The following ZBTB38 variants were observed in gnomAD, a reference collection of about 807,000 sequenced individuals.
ZBTB38 encodes the protein zinc finger and BTB domain-containing protein 38.
ZBTB38 carries 20 observed loss-of-function variants against 76.8 expected under a neutral mutation model. That is an observed-to-expected ratio of 0.26 (90% confidence interval 0.18 to 0.38). The LOEUF is 0.38. Among genes scored for constraint, ZBTB38 ranks in the 10% least tolerant of loss-of-function variants. The probability of loss-of-function intolerance (pLI) is 1.00; values close to 1 mark genes in which losing one functional copy is unlikely to be tolerated. For missense variants in ZBTB38, 1,082 were observed against 1,482.3 expected (o/e 0.73, Z 4.43); for synonymous variants, 504 against 544.2 (o/e 0.93, Z 1.03).
rs116629994 is a variant in ZBTB38, at chr3:141,344,120, A to G, written c.-739+19664A>G. Among the ~76,000 whole-genome samples, 1,105 of 152,308 alleles carry G rather than the reference A, an allele frequency of 7.3e-3. 6 individuals carry two copies. The highest frequency in any genetic ancestry group is 0.013 in the Non-Finnish European group (901 of 68,020). Reference sequence around the variant, plus strand: ...CTGTGGTCCACTTTGGCTATGTTTTAGTTGGCTGCTGTTTTCTGTTGCTGC... The same window carrying G: ...CTGTGGTCCACTTTGGCTATGTTTTGGTTGGCTGCTGTTTTCTGTTGCTGC... On this transcript the variant is annotated intron_variant, in intron 1 of 7. Coordinates refer to the ZBTB38 transcript ENST00000509842.
intron 5 of ZBTB38, among the ~76,000 whole-genome samples, chr3:141,421,400 T>TA (rs1165773182): frequency 2.0e-5 from 3 of 152,026 alleles, no homozygotes; most frequent in African/African-American, 4.8e-5. Flanking sequence ...GTGCTAGGAT[T>TA]ACAGGTGTGA....
intron 5 of ZBTB38, among the ~76,000 whole-genome samples, chr3:141,409,039 AT>A (rs532373078): frequency 2.6e-5 from 4 of 151,580 alleles, no homozygotes; most frequent in South Asian, 4.2e-4. Context: ...ATGGGAGTTT[AT>A]TTTTTTTTAA....
chr3:141,429,750 G>A (rs1355462339), intron 5 of ZBTB38, among the ~76,000 whole-genome samples: 2 of 152,202 alleles, frequency 1.3e-5, no homozygotes, highest in Non-Finnish European at 2.9e-5. Context: ...CCTCCGAGGC[G>A]ACATTTGAGC....
chr3:141,344,928 C>G (rs1188141533), intron 1 of ZBTB38, among the ~76,000 whole-genome samples: 1 of 152,180 alleles, frequency 6.6e-6, no homozygotes, highest in Non-Finnish European at 1.5e-5. Flanking sequence ...CTTTGGGGGT[C>G]CATTATTCTG....
intron 1 of ZBTB38, among the ~76,000 whole-genome samples, chr3:141,340,961 A>AAGAAAAGAAAGAAGGAAG (rs1559913218): frequency 8.5e-5 from 11 of 128,842 alleles, no homozygotes; most frequent in African/African-American, 3.6e-4. Context: ...AAAGAAAGAA[A>AAGAAAAGAAAGAAGGAAG]GAAAGAAAGA....
At chr3:141,441,473 C>A (rs2080193367) in intron 5 of ZBTB38, among the ~76,000 whole-genome samples, 1 of 152,160 alleles carries the variant, frequency 6.6e-6, no homozygotes, top group Non-Finnish European at 1.5e-5. Context: ...TTTTTGAAAA[C>A]CCTAGTCTAC....
intron 5 of ZBTB38, among the ~76,000 whole-genome samples, chr3:141,440,986 A>G (rs1422389382): frequency 1.3e-5 from 2 of 150,252 alleles, no homozygotes; most frequent in African/African-American, 4.9e-5. Flanking sequence ...GTGAGCTGAG[A>G]TCATGCCATT....
At chr3:141,351,770 C>T (rs1348484933) in intron 1 of ZBTB38, among the ~76,000 whole-genome samples, 1 of 148,344 alleles carries the variant, frequency 6.7e-6, no homozygotes, top group African/African-American at 2.5e-5. Context: ...TCCCTTTTCG[C>T]TTTTCTCAGA....
At chr3:141,427,131 A>C (rs1439456315) in intron 5 of ZBTB38, among the ~76,000 whole-genome samples, 3 of 152,028 alleles carry the variant, frequency 2.0e-5, no homozygotes. Context: ...AGGCTCTATA[A>C]AGCTTAGTTT....
intron 1 of ZBTB38, among the ~76,000 whole-genome samples, chr3:141,357,504 TTTTTG>T (rs1237228771): frequency 6.6e-6 from 1 of 152,160 alleles, no homozygotes; most frequent in Non-Finnish European, 1.5e-5. Flanking sequence ...CATCTTTTGT[TTTTTG>T]TTTTGTTTTG....
intron 1 of ZBTB38, among the ~76,000 whole-genome samples, chr3:141,343,902 G>A (rs1559914370): frequency 6.6e-6 from 1 of 152,106 alleles, no homozygotes; most frequent in Non-Finnish European, 1.5e-5. Context: ...CCATTCTCTT[G>A]TCAGTGATTC....
intron 5 of ZBTB38, among the ~76,000 whole-genome samples, chr3:141,417,575 TG>T (rs150266382): frequency 0.044 from 6,630 of 152,300 alleles, 257 homozygotes; most frequent in Admixed American, 0.094. Context: ...CATCCCCACC[TG>T]TCTCTTTGCC....
chr3:141,417,002 A>G (rs1203460330), intron 5 of ZBTB38, among the ~76,000 whole-genome samples: 2 of 152,202 alleles, frequency 1.3e-5, no homozygotes, highest in East Asian at 1.9e-4. Flanking sequence ...CAGCGGCCCC[A>G]GGAAACAAGT....
At chr3:141,418,903 C>T (rs866010381) in intron 5 of ZBTB38, among the ~76,000 whole-genome samples, 1 of 152,152 alleles carries the variant, frequency 6.6e-6, no homozygotes, top group South Asian at 2.1e-4. Flanking sequence ...AGAATATTTA[C>T]GTGATCACCT....
At position 141,330,161 on chromosome 3, in the gene ZBTB38, G is replaced by T. The variant is rs1050335358; in HGVS notation, c.-739+5705G>T. 3.3e-5 allele frequency among the ~76,000 whole-genome samples: 5 copies of T among 152,286 alleles called. No homozygotes were observed. In the East Asian group the frequency reaches 9.6e-4, roughly 29 times the overall value. On this transcript the variant is annotated intron_variant, in intron 1 of 7. Transcript: ENST00000509842. ...CCTCTGGAGTCATGATGGGCACTGG[G>T]AGGTGTACGTGTCCAGTGTTGACTA...
chr3:141,431,355 T>TATATATATATATATATATATATATA (rs1362541027), intron 5 of ZBTB38, among the ~76,000 whole-genome samples: 3 of 137,954 alleles, frequency 2.2e-5, no homozygotes, highest in African/African-American at 9.1e-5. Context: ...TATATATATA[T>TATATATATATATATATATATATATA]TTGGGGGGGA....
Position 141,347,862 on chromosome 3 carries a change from A to G in ZBTB38, c.-738-20759A>G, listed in dbSNP as rs1344049117. Among the ~76,000 whole-genome samples, 4 of 152,216 alleles carry G rather than the reference A, an allele frequency of 2.6e-5. No homozygotes were observed. The East Asian group carries it at 5.8e-4, about 22-fold the overall frequency. ...GGATTGGGAGTGACTTCCTGCTGTC[A>G]CTATTCTTAGCTTCTCAGATTCTCT... On this transcript the variant is annotated intron_variant, in intron 1 of 7. Transcript: ENST00000509842.
At chr3:141,372,545 G>A (rs1409862108) in intron 2 of ZBTB38, among the ~76,000 whole-genome samples, 1 of 151,848 alleles carries the variant, frequency 6.6e-6, no homozygotes, top group African/African-American at 2.4e-5. Flanking sequence ...CCAGCTACTT[G>A]GGAGGCTGAG....
chr3:141,392,102 C>G (rs1949046843), intron 4 of ZBTB38, among the ~76,000 whole-genome samples: 1 of 152,202 alleles, frequency 6.6e-6, no homozygotes, highest in African/African-American at 2.4e-5. Flanking sequence ...GAAGCACCGT[C>G]TAAAATTGAT....
Sources: gnomAD v4.1 joint callset for allele counts (sites outside exome capture counted in the v4.1 genomes callset) on GRCh38, gnomAD v4.1.1 for gene constraint, MANE v1.5 for transcripts, NCBI Gene and HGNC (gene_info 2026-07-23, HGNC 2026-07-21) for gene names.